RASEF: variants seen among roughly 807,000 people sequenced by gnomAD.
The protein encoded by RASEF is RAS and EF-hand domain containing.
Under a neutral mutation model 90.1 loss-of-function variants are expected in RASEF, and 68 were observed. The ratio of observed to expected loss-of-function variants is 0.75; its 90% CI spans 0.62 to 0.92. The LOEUF is 0.92. Among genes scored for constraint, RASEF ranks in the 40% least tolerant of loss-of-function variants. The probability of loss-of-function intolerance (pLI) is 0.00; values close to 1 mark genes in which losing one functional copy is unlikely to be tolerated. For synonymous variants in RASEF, 331 were observed against 345.2 expected (o/e 0.96, Z 0.46); for missense variants, 949 against 937.2 (o/e 1.01, Z -0.16).
chr9:83,066,166 G>A (rs115227783), upstream of RASEF, among the ~76,000 whole-genome samples: 1,168 of 152,228 alleles, frequency 7.7e-3, 16 homozygotes, highest in African/African-American at 0.027. Flanking sequence ...CCCCAAATAA[G>A]CCACACTTCA....
At chr9:83,064,696 G>C (rs933304684), upstream of RASEF, among the ~76,000 whole-genome samples, 4 of 152,136 alleles carry the variant, frequency 2.6e-5, no homozygotes, top group African/African-American at 9.7e-5. Context: ...TGACCTTTGT[G>C]CTCATTTTTT....
In RASEF at chr9:83,009,927, A is replaced by C. The variant is rs963833711; in HGVS notation, c.844-171T>G. ...ATTCAAGGTAATTTGAAATCAATAT[A>C]AATTAATAAAGTGTCAAAAATCAAA... On this transcript the variant is annotated intron_variant, in intron 5 of 16. Coordinates refer to ENST00000376447, the MANE Select transcript of RASEF (RefSeq NM_152573.4). Among the ~76,000 whole-genome samples, 10 of 152,222 alleles carry C rather than the reference A, an allele frequency of 6.6e-5. 1 individual carries two copies. The highest frequency in any genetic ancestry group is 5.9e-4 in the Admixed American group (9 of 15,276).
chr9:83,101,231 T>C, the RASEF span, among the ~76,000 whole-genome samples: 1 of 152,182 alleles, frequency 6.6e-6, no homozygotes, highest in East Asian at 1.9e-4. Context: ...ACTCTCACCA[T>C]TTTGAAGACA....
At chr9:83,134,224 T>C in the RASEF span, among the ~76,000 whole-genome samples, 2 of 152,126 alleles carry the variant, frequency 1.3e-5, no homozygotes, top group Non-Finnish European at 2.9e-5. Context: ...GAGGTGGTTT[T>C]ACTGTACTTT....
At chr9:83,089,086 A>G in the RASEF span, among the ~76,000 whole-genome samples, 1 of 151,932 alleles carries the variant, frequency 6.6e-6, no homozygotes, top group Non-Finnish European at 1.5e-5. Flanking sequence ...TTTCTAAGCA[A>G]TTGCTCTAGA....
the RASEF span, among the ~76,000 whole-genome samples, chr9:83,108,426 CTG>C: frequency 2.0e-5 from 3 of 152,078 alleles, no homozygotes; most frequent in Non-Finnish European, 2.9e-5. Flanking sequence ...TTGACAGAAA[CTG>C]TATCTTCTTC....
In RASEF at chr9:83,062,733, G is replaced by C. The variant is rs767112915; in HGVS notation, c.135C>G (p.Ala45=). ...GCCGCTGGAATACTGCCTCGGCGTC[G>C]GCCGGCCGCACCCGCAGCTCCGTGC... ...ALCTELRVRP[A]DAEAVFQRLD... is the part of the protein sequence containing the mutation. The change falls in exon 1 of 17, where the codon GCC becomes GCG. Residue 45 remains alanine (A), a synonymous_variant. Coordinates refer to ENST00000376447, the MANE Select transcript of RASEF (RefSeq NM_152573.4). 2 of 1,571,560 alleles carry C rather than the reference G, an allele frequency of 1.3e-6. No homozygotes were observed. The highest frequency in any genetic ancestry group is 1.8e-5 in the Admixed American group (1 of 56,528).
At chr9:83,164,934 G>A in the RASEF span, among the ~76,000 whole-genome samples, 1 of 151,874 alleles carries the variant, frequency 6.6e-6, no homozygotes, top group Non-Finnish European at 1.5e-5. Flanking sequence ...TGATAAAGGG[G>A]TCGATAACAG....
At position 83,004,594 on chromosome 9, in the gene RASEF, A is replaced by C. The variant is rs979592885; in HGVS notation, c.1114-8T>G. The C allele has an allele frequency of 6.8e-7, 1 of 1,469,474 alleles. No individual in the cohort carries two copies. The highest frequency in any genetic ancestry group is 1.4e-5 in the African/African-American group (1 of 72,168). The allele number at this position is 1,469,474 out of a possible 1,614,324, so 91.0% of individuals were successfully genotyped here. A position where few individuals can be genotyped will look rare whatever the true frequency, so the allele number is the denominator to read the frequency against. On this transcript the variant is annotated splice_region_variant and splice_polypyrimidine_tract_variant and intron_variant, in intron 8 of 16. Coordinates refer to ENST00000376447, the MANE Select transcript of RASEF (RefSeq NM_152573.4). ...TGAGATATTATTTATATGCTGTAAT[A>C]TAGAAGTAATCATTTGTTAGTTCAT...
At chr9:83,044,924 C>A (rs775986632) in intron 1 of RASEF, among the ~76,000 whole-genome samples, 3 of 152,158 alleles carry the variant, frequency 2.0e-5, no homozygotes, top group Admixed American at 6.5e-5. Flanking sequence ...AGAACAAAGA[C>A]TGATCTCCCA....
At chr9:83,011,576 A>AAAC (rs1554707057) in intron 5 of RASEF, among the ~76,000 whole-genome samples, 7 of 147,888 alleles carry the variant, frequency 4.7e-5, no homozygotes, top group Admixed American at 6.7e-5. Context: ...AAAAAAAAAA[A>AAAC]CTGAAATTTT....
chr9:83,078,198 A>C, the RASEF span, among the ~76,000 whole-genome samples: 2 of 152,302 alleles, frequency 1.3e-5, no homozygotes, highest in Non-Finnish European at 1.5e-5. Flanking sequence ...AAACTTGAGA[A>C]TCACTGACCT....
chr9:83,163,515 A>C, the RASEF span, among the ~76,000 whole-genome samples: 1 of 149,020 alleles, frequency 6.7e-6, no homozygotes, highest in African/African-American at 2.6e-5. Flanking sequence ...CAACATAAAC[A>C]AGAAGATGAA....
intron 3 of RASEF, among the ~76,000 whole-genome samples, chr9:83,018,197 T>A (rs548471799): frequency 7.2e-6 from 1 of 139,654 alleles, no homozygotes; most frequent in South Asian, 2.4e-4. Context: ...ATGTTTTTAT[T>A]AATATATTTC....
the RASEF span, among the ~76,000 whole-genome samples, chr9:83,087,539 A>G: frequency 1.0e-3 from 158 of 151,718 alleles, no homozygotes; most frequent in African/African-American, 3.8e-3. Flanking sequence ...TTTCCATTTC[A>G]TATAGGTTAT....
chr9:83,172,271 G>C, the RASEF span, among the ~76,000 whole-genome samples: 1 of 151,700 alleles, frequency 6.6e-6, no homozygotes, highest in Non-Finnish European at 1.5e-5. Flanking sequence ...AAAGATGCTT[G>C]ATACAGTTTC....
the RASEF span, among the ~76,000 whole-genome samples, chr9:83,092,811 C>G: frequency 6.6e-6 from 1 of 152,228 alleles, no homozygotes; most frequent in African/African-American, 2.4e-5. Context: ...AATCCCTGAG[C>G]TAGACACAAA....
At chr9:83,101,158 A>AGCCTTATAT in the RASEF span, among the ~76,000 whole-genome samples, 6 of 152,342 alleles carry the variant, frequency 3.9e-5, no homozygotes, top group East Asian at 7.7e-4. Context: ...AAGCATTACT[A>AGCCTTATAT]GCCTTATATT....
the RASEF span, among the ~76,000 whole-genome samples, chr9:83,144,391 G>GGAAAGAAAGGAAAGAAA: frequency 3.0e-5 from 1 of 33,220 alleles, no homozygotes; most frequent in African/African-American, 1.0e-4. Flanking sequence ...AAGAAAGAAA[G>GGAAAGAAAGGAAAGAAA]GAAAGAAAGA....
Sources: allele counts gnomAD v4.1 joint callset (sites outside exome capture counted in the v4.1 genomes callset), GRCh38; gene constraint gnomAD v4.1.1; transcripts MANE v1.5; gene names NCBI Gene and HGNC (gene_info 2026-07-23, HGNC 2026-07-21).